Variants in BAHCC1 observed in about 807,000 individuals in gnomAD.
The protein encoded by BAHCC1 is BAH and coiled-coil domain-containing protein 1.
BAHCC1 carries 43 observed loss-of-function variants against 88.2 expected under a neutral mutation model. The observed-to-expected ratio is 0.49, with a 90% confidence interval of 0.38 to 0.63. The LOEUF is 0.63. Among genes scored for constraint, BAHCC1 ranks in the 20% least tolerant of loss-of-function variants. The pLI, the probability that BAHCC1 is intolerant of heterozygous loss-of-function variation, is 0.00. For synonymous variants in BAHCC1, 1,510 were observed against 745.5 expected (o/e 2.03, Z -16.71); for missense variants, 3,023 against 1,654.8 (o/e 1.83, Z -14.34).
intron 2 of BAHCC1, chr17:81,403,068 C>A (rs1055880703): frequency 3.3e-5 from 5 of 152,220 alleles, no homozygotes; most frequent in African/African-American, 1.2e-4. Flanking sequence ...GAGAAATCAA[C>A]AAGAACCAAC....
intron 2 of BAHCC1, among the ~76,000 whole-genome samples, chr17:81,416,500 CAT>C (rs66535985): frequency 1.9e-5 from 2 of 107,994 alleles, no homozygotes; most frequent in African/African-American, 8.0e-5. Context: ...TGGGTGTGTG[CAT>C]GTGTGCGTGT....
At chr17:81,421,461 C>G (rs782029714) in intron 2 of BAHCC1, among the ~76,000 whole-genome samples, 14 of 152,334 alleles carry the variant, frequency 9.2e-5, no homozygotes, top group Admixed American at 2.6e-4. Flanking sequence ...CCTGGGGTTT[C>G]CCGGGCTCCT....
At chr17:81,398,801 TG>T (rs1417754940) in intron 1 of BAHCC1, among the ~76,000 whole-genome samples, 1 of 151,286 alleles carries the variant, frequency 6.6e-6, no homozygotes, top group Non-Finnish European at 1.5e-5. Flanking sequence ...GGAGCCGGCC[TG>T]GGGTCCTAGC....
intron 2 of BAHCC1, among the ~76,000 whole-genome samples, chr17:81,421,342 G>C (rs1555649568): frequency 6.6e-6 from 1 of 152,256 alleles, no homozygotes; most frequent in East Asian, 1.9e-4. Context: ...TGGTCGGCGG[G>C]GGGGCTGGGG....
In BAHCC1 at chr17:81,451,831, C is replaced by G. The variant is rs781862086; in HGVS notation, c.4140C>G (p.Ile1380Met). The change falls in exon 12 of 28, where the codon ATC becomes ATG. Residue 1380 changes from isoleucine to methionine, a missense_variant. Transcript: ENST00000675386. ...SGPRLTPRMQ[I>M]LQRKDTWTPK... Reference sequence around the variant, plus strand: ...CCAGGCTCACCCCCCGCATGCAGATCCTGCAGCGCAAGGACACCTGGACCC... The same window carrying G: ...CCAGGCTCACCCCCCGCATGCAGATGCTGCAGCGCAAGGACACCTGGACCC... 1 of 754,882 alleles carries G rather than the reference C, an allele frequency of 1.3e-6. No homozygotes were observed. Among genetic ancestry groups the G allele is most frequent in the Non-Finnish European group, 2.4e-6 (1 of 413,248 alleles). The allele number at this position is 754,882 out of a possible 1,614,324, so 46.8% of individuals were successfully genotyped here. A position where few individuals can be genotyped will look rare whatever the true frequency, so the allele number is the denominator to read the frequency against.
At chr17:81,409,296 G>A (rs2063918615) in intron 2 of BAHCC1, among the ~76,000 whole-genome samples, 1 of 152,370 alleles carries the variant, frequency 6.6e-6, no homozygotes, top group Non-Finnish European at 1.5e-5. Context: ...TTGGCAGATG[G>A]CGCTGTCCTC....
intron 3 of BAHCC1, among the ~76,000 whole-genome samples, chr17:81,428,390 C>T (rs2143422629): frequency 6.6e-6 from 1 of 152,328 alleles, no homozygotes; most frequent in South Asian, 2.1e-4. Flanking sequence ...AGGCCTGCGG[C>T]AGCCGTGGTG....
In BAHCC1 at chr17:81,399,308, G is replaced by C. The variant is rs2063781743; in HGVS notation, c.-206-226G>C. 3.6e-6 allele frequency: 1 copy of C among 278,446 alleles called. No individual in the cohort carries two copies. The highest frequency in any genetic ancestry group is 7.4e-6 in the Non-Finnish European group (1 of 135,874). 17.2% of individuals were successfully genotyped at this position (278,446 alleles called of 1,614,324 possible). A position where few individuals can be genotyped will look rare whatever the true frequency, so the allele number is the denominator to read the frequency against. On this transcript the variant is annotated intron_variant, in intron 1 of 27. Coordinates refer to ENST00000675386, the MANE Select transcript of BAHCC1 (RefSeq NM_001377448.1). The surrounding 1 kb of genome is among the most constrained non-coding windows in gnomAD (Gnocchi z 4.5). Reference sequence around the variant, plus strand: ...GGTTCCCCCGGCTGCCCCGGGCCAAGCGTGGCCGGGACGGTGCGTGCGCGC... The same window carrying C: ...GGTTCCCCCGGCTGCCCCGGGCCAACCGTGGCCGGGACGGTGCGTGCGCGC...
chr17:81,430,384 GCA>G lies in BAHCC1; in HGVS notation c.358+3413_358+3414del, dbSNP rs1224514706. On this transcript the variant is annotated intron_variant, in intron 3 of 27. Transcript: ENST00000675386. Reference sequence around the variant, plus strand: ...CTGGGGGGAGCCATGGGGGCGGCAGGCACACACACGCGCTGGCTCTCCGCCTG... The same window carrying G: ...CTGGGGGGAGCCATGGGGGCGGCAGGCACACACGCGCTGGCTCTCCGCCTG... Among the ~76,000 whole-genome samples, 3 of 152,230 alleles carry G rather than the reference GCA, an allele frequency of 2.0e-5. No individual in the cohort carries two copies. In the East Asian group the frequency reaches 5.8e-4, roughly 29 times the overall value.
At chr17:81,422,705 G>A in intron 2 of BAHCC1, 1 of 387,820 alleles carries the variant, frequency 2.6e-6, no homozygotes, top group Non-Finnish European at 5.1e-6. Context: ...GATGTGGTGT[G>A]GGAGAGCTCA....
chr17:81,451,980 C>A lies in BAHCC1; in HGVS notation c.4189C>A (p.Leu1397Met), dbSNP rs781959575. ...GTGCCCCCCCCACCAGGTGTGCCCC[C>A]TGAAGGCCGCCATCGACCGGCTGGA... ...WTPKTKPVCP[L>M]KAAIDRLDTQ... Residue 1397 changes from leucine (L) to methionine (M), a missense_variant, in exon 13 of 28, where the codon CTG becomes ATG. Coordinates refer to ENST00000675386, the MANE Select transcript of BAHCC1 (RefSeq NM_001377448.1). 13 of 625,760 alleles carry A rather than the reference C, an allele frequency of 2.1e-5. No individual in the cohort carries two copies. Among genetic ancestry groups the A allele is most frequent in the South Asian group, 7.5e-5 (4 of 53,442 alleles). The allele number at this position is 625,760 out of a possible 1,614,324, so 38.8% of individuals were successfully genotyped here. A position where few individuals can be genotyped will look rare whatever the true frequency, so the allele number is the denominator to read the frequency against.
chr17:81,458,588 G>T (rs1555658157), intron 18 of BAHCC1, 33 bp from the exon 19 acceptor site: 1 of 702,984 alleles, frequency 1.4e-6, no homozygotes, highest in South Asian at 1.5e-5. Context: ...TCCCACCCTT[G>T]ACTCAGCCCC....
In BAHCC1 at chr17:81,445,137, G is replaced by A. The variant is rs1555653967; in HGVS notation, c.2794G>A (p.Glu932Lys). ...YSRPQLLRQQ[E>K]LYALQQQRAA... ...GAGGCCGCAGCTCCTCCGGCAGCAGGAGCTCTATGCTTTGCAGCAGCAGAG... is the reference window on the plus strand; with the variant it reads ...GAGGCCGCAGCTCCTCCGGCAGCAGAAGCTCTATGCTTTGCAGCAGCAGAG... The change falls in exon 9 of 28, where the codon GAG becomes AAG. Residue 932 changes from glutamate (E) to lysine (K), a missense_variant. By Grantham distance (56) the Glu-to-Lys change is moderately conservative. Coordinates refer to ENST00000675386, the MANE Select transcript of BAHCC1 (RefSeq NM_001377448.1). 2 of 774,072 alleles carry A rather than the reference G, an allele frequency of 2.6e-6. No individual in the cohort carries two copies. The highest frequency in any genetic ancestry group is 4.8e-6 in the Non-Finnish European group (2 of 415,972). 48.0% of individuals were successfully genotyped at this position (774,072 alleles called of 1,614,324 possible). A position where few individuals can be genotyped will look rare whatever the true frequency, so the allele number is the denominator to read the frequency against.
chr17:81,441,814 G>A lies in BAHCC1; in HGVS notation c.482-17G>A. ...ACCCCTAAGGCCTCCCATTGACCTT[G>A]GCTCTTTCCCACACAGATAACTTCT... On this transcript the variant is annotated splice_polypyrimidine_tract_variant and intron_variant, in intron 4 of 27. Transcript: ENST00000675386. 1.7e-6 allele frequency: 1 copy of A among 599,872 alleles called. No homozygotes were observed. The highest frequency in any genetic ancestry group is 3.1e-6 in the Non-Finnish European group (1 of 326,174). The allele number at this position is 599,872 out of a possible 1,614,324, so 37.2% of individuals were successfully genotyped here. A position where few individuals can be genotyped will look rare whatever the true frequency, so the allele number is the denominator to read the frequency against.
chr17:81,435,074 C>G lies in BAHCC1; in HGVS notation c.359-3296C>G, dbSNP rs1396038445. ...CTCTGCACGGTGCCCTCCCACTCCTCTGTCCTTCAGCCCTGCCCCAGGGGC... is the reference window on the plus strand; with the variant it reads ...CTCTGCACGGTGCCCTCCCACTCCTGTGTCCTTCAGCCCTGCCCCAGGGGC... On this transcript the variant is annotated intron_variant, in intron 3 of 27. Transcript: ENST00000675386. This position sits in a 1 kb window ranked among gnomAD's most constrained non-coding sequence, Gnocchi z 4.4. Among the ~76,000 whole-genome samples, 2 of 152,062 alleles carry G rather than the reference C, an allele frequency of 1.3e-5. No individual in the cohort carries two copies. The highest frequency in any genetic ancestry group is 2.4e-5 in the African/African-American group (1 of 41,370).
intron 2 of BAHCC1, among the ~76,000 whole-genome samples, chr17:81,406,627 G>A (rs1243940512): frequency 1.3e-5 from 2 of 152,224 alleles, no homozygotes; most frequent in African/African-American, 4.8e-5. Context: ...ATACCGTTTC[G>A]CTCACGCAGG....
intron 2 of BAHCC1, among the ~76,000 whole-genome samples, chr17:81,416,293 T>C (rs2064023300): frequency 7.0e-6 from 1 of 142,766 alleles, no homozygotes; most frequent in Non-Finnish European, 1.5e-5. Context: ...TGCATATGTG[T>C]GTGTCCATGA....
At position 81,417,561 on chromosome 17, in the gene BAHCC1, C is replaced by CCG. The variant is rs782708031; in HGVS notation, c.179-9238_179-9237insGC. 1.7e-3 allele frequency among the ~76,000 whole-genome samples: 77 copies of CCG among 45,440 alleles called. No individual in the cohort carries two copies. In the East Asian group the frequency reaches 0.026, roughly 15 times the overall value. 29.8% of individuals were successfully genotyped at this position (45,440 alleles called of 152,430 possible). A position where few individuals can be genotyped will look rare whatever the true frequency, so the allele number is the denominator to read the frequency against. On this transcript the variant is annotated intron_variant, in intron 2 of 27. Coordinates refer to ENST00000675386, the MANE Select transcript of BAHCC1 (RefSeq NM_001377448.1). ...GCCATGGGGAGCGTCGGCCACCCCC[C>CCG]CCCCGCCCTAGCCAAAGGGCTAAAT...
intron 2 of BAHCC1, chr17:81,402,277 G>C (rs1050104696): frequency 6.6e-6 from 1 of 152,224 alleles, no homozygotes; most frequent in African/African-American, 2.4e-5. Flanking sequence ...CAGACATCCA[G>C]CTAGAAGCAT....
Sources: gnomAD v4.1 joint callset for allele counts (sites outside exome capture counted in the v4.1 genomes callset) on GRCh38, gnomAD v4.1.1 for gene constraint, Gnocchi (gnomAD v3.1) non-coding constraint, MANE v1.5 for transcripts, NCBI Gene and HGNC (gene_info 2026-07-23, HGNC 2026-07-21) for gene names.